Variants in NRG3 observed in about 807,000 individuals in gnomAD.
The protein encoded by NRG3 is neuregulin 3.
Under a neutral mutation model 66.9 loss-of-function variants are expected in NRG3, and 31 were observed. The ratio of observed to expected loss-of-function variants is 0.46; its 90% confidence interval spans 0.35 to 0.63. NRG3 has a LOEUF of 0.63. NRG3 is among the 20% of genes least tolerant of loss of function. The pLI is 0.00. For synonymous variants in NRG3, 393 were observed against 359.4 expected, an observed-to-expected ratio of 1.09 and a Z score of -1.06; for missense variants, 910 against 878.9, an observed-to-expected ratio of 1.04 and a Z score of -0.45.
intron 3 of NRG3, among the ~76,000 whole-genome samples, chr10:82,818,156 G>C (rs1160372475): frequency 6.6e-6 from 1 of 152,194 alleles, no homozygotes; most frequent in Non-Finnish European, 1.5e-5. Flanking sequence ...TAGAAAATGG[G>C]GTGGTAACTT....
chr10:82,663,389 T>G (rs192503707), intron 2 of NRG3, among the ~76,000 whole-genome samples: 1 of 152,308 alleles, frequency 6.6e-6, no homozygotes, highest in Admixed American at 6.5e-5. Flanking sequence ...CACCAGGGTG[T>G]GCAGAGAATG....
intron 2 of NRG3, among the ~76,000 whole-genome samples, chr10:82,496,548 T>C (rs1326233970): frequency 1.3e-5 from 2 of 152,220 alleles, no homozygotes; most frequent in Non-Finnish European, 2.9e-5. Flanking sequence ...TTTAATGTCT[T>C]TATAAGTATT....
At chr10:81,964,483 C>T (rs2059655413) in intron 1 of NRG3, among the ~76,000 whole-genome samples, 1 of 151,422 alleles carries the variant, frequency 6.6e-6, no homozygotes. Context: ...CATCTCATGA[C>T]CGTACAGTAG....
chr10:82,410,230 G>A (rs1418720620), intron 2 of NRG3, among the ~76,000 whole-genome samples: 2 of 151,980 alleles, frequency 1.3e-5, no homozygotes, highest in East Asian at 1.9e-4. Flanking sequence ...GGTGGCTCAC[G>A]CCTGTAATTC....
chr10:82,760,873 G>A (rs1319002984), intron 3 of NRG3, among the ~76,000 whole-genome samples: 1 of 151,476 alleles, frequency 6.6e-6, no homozygotes, highest in African/African-American at 2.4e-5. Flanking sequence ...ATAATTAAAT[G>A]TATATTACAA....
chr10:82,415,886 A>G (rs2088526280), intron 2 of NRG3, among the ~76,000 whole-genome samples: 1 of 152,114 alleles, frequency 6.6e-6, no homozygotes, highest in Admixed American at 6.6e-5. Context: ...GGGCTTATCT[A>G]TTGTCTTAAA....
chr10:82,099,207 C>T (rs1041842066), intron 1 of NRG3, among the ~76,000 whole-genome samples: 1 of 152,000 alleles, frequency 6.6e-6, no homozygotes, highest in African/African-American at 2.4e-5. Flanking sequence ...TCTTTTTTCT[C>T]AAGTTTTATA....
intron 1 of NRG3, among the ~76,000 whole-genome samples, chr10:82,167,543 G>C (rs2072183792): frequency 6.6e-6 from 1 of 151,956 alleles, no homozygotes. Context: ...ATATGTATAA[G>C]CTTCATATTA....
intron 1 of NRG3, among the ~76,000 whole-genome samples, chr10:82,305,163 T>A (rs1051278590): frequency 6.6e-6 from 1 of 151,308 alleles, no homozygotes; most frequent in Non-Finnish European, 1.5e-5. Flanking sequence ...CTCGGCTAAT[T>A]TTTTTGTATT....
intron 1 of NRG3, among the ~76,000 whole-genome samples, chr10:81,960,598 G>A (rs1440815472): frequency 6.6e-6 from 1 of 151,806 alleles, no homozygotes; most frequent in Non-Finnish European, 1.5e-5. Context: ...TCCACTTAGT[G>A]CAGTGTCTCG....
At chr10:82,569,857 A>AGAGAGGT (rs1276648207) in intron 2 of NRG3, among the ~76,000 whole-genome samples, 8 of 151,656 alleles carry the variant, frequency 5.3e-5, no homozygotes, top group African/African-American at 1.9e-4. Context: ...CTCTACTTGG[A>AGAGAGGT]TATACTAACA....
chr10:81,928,626 G>A (rs1241441429), intron 1 of NRG3, among the ~76,000 whole-genome samples: 2 of 152,212 alleles, frequency 1.3e-5, no homozygotes, highest in East Asian at 3.9e-4. Flanking sequence ...CTACCCTTAT[G>A]GGTACATGGG....
intron 2 of NRG3, among the ~76,000 whole-genome samples, chr10:82,361,022 A>G (rs1362230766): frequency 6.6e-6 from 1 of 152,202 alleles, no homozygotes; most frequent in Non-Finnish European, 1.5e-5. Context: ...ACCTTTCTCC[A>G]AATATGATCA....
At chr10:82,195,639 A>T (rs2074408695) in intron 1 of NRG3, among the ~76,000 whole-genome samples, 1 of 152,198 alleles carries the variant, frequency 6.6e-6, no homozygotes, top group African/African-American at 2.4e-5. Context: ...CAACCCCCAG[A>T]ACATGTGAAT....
rs200209896 is a variant in NRG3, at chr10:82,527,323, AT to A, written c.953+168456del. ...CATGTATGTAAAATTAAAAAAAAAA[AT>A]ATTAGTAAATATAATTGTTTAGAAC... On this transcript the variant is annotated intron_variant, in intron 2 of 8. Coordinates refer to ENST00000372141, the MANE Select transcript of NRG3 (RefSeq NM_001010848.4). Among the ~76,000 whole-genome samples the A allele has an allele frequency of 3.5e-3, 239 of 68,682 alleles. No homozygotes were observed. The East Asian group carries it at 0.046, about 13-fold the overall frequency. The allele number at this position is 68,682 out of a possible 152,430, so 45.1% of individuals were successfully genotyped here.
chr10:82,959,778 G>T (rs1850431600), intron 6 of NRG3, among the ~76,000 whole-genome samples: 2 of 152,202 alleles, frequency 1.3e-5, no homozygotes, highest in South Asian at 4.1e-4. Flanking sequence ...GCCTTACAGA[G>T]ATATCAGAAC....
intron 1 of NRG3, among the ~76,000 whole-genome samples, chr10:82,310,610 G>T (rs61864201): frequency 0.1 from 15,727 of 152,136 alleles, 1,058 homozygotes; most frequent in Non-Finnish European, 0.16. Context: ...TGAAAGGGCC[G>T]TAAGGGTAGC....
intron 1 of NRG3, among the ~76,000 whole-genome samples, chr10:82,342,777 C>G (rs2082750194): frequency 6.6e-6 from 1 of 151,518 alleles, no homozygotes; most frequent in South Asian, 2.1e-4. Flanking sequence ...TTAATTAACT[C>G]TCACTTATAT....
intron 2 of NRG3, among the ~76,000 whole-genome samples, chr10:82,715,991 T>C (rs995255544): frequency 1.3e-5 from 2 of 152,150 alleles, no homozygotes; most frequent in African/African-American, 2.4e-5. Context: ...GGTGACCTAA[T>C]TGCCTTCCAA....
Sources: allele counts gnomAD v4.1 joint callset (sites outside exome capture counted in the v4.1 genomes callset), GRCh38; gene constraint gnomAD v4.1.1; transcripts MANE v1.5; gene names NCBI Gene and HGNC (gene_info 2026-07-23, HGNC 2026-07-21).